RGS6: variants seen among roughly 807,000 people sequenced by gnomAD.
RGS6 encodes regulator of G-protein signaling 6.
In RGS6, 30 loss-of-function variants were observed where a neutral mutation model predicts 78.5. The observed-to-expected ratio is 0.38, with a 90% CI of 0.29 to 0.52. The LOEUF (loss-of-function observed/expected upper bound fraction) is 0.52. Among genes scored for constraint, RGS6 ranks in the 20% least tolerant of loss-of-function variants. The pLI is 0.85. For synonymous variants in RGS6, 206 were observed against 206.0 expected (o/e 1.00, Z 0.00); for missense variants, 495 against 609.7 (o/e 0.81, Z 1.98).
At chr14:72,025,744 A>G (rs1475168105) in intron 2 of RGS6, among the ~76,000 whole-genome samples, 1 of 152,186 alleles carries the variant, frequency 6.6e-6, no homozygotes, top group Admixed American at 6.5e-5. Flanking sequence ...AGTAATCCTC[A>G]GAGGAGCCTT....
chr14:72,347,707 T>A (rs1356841), intron 2 of RGS6, among the ~76,000 whole-genome samples: 32 of 151,750 alleles, frequency 2.1e-4, no homozygotes, highest in African/African-American at 7.8e-4. Flanking sequence ...CCAGGAATAG[T>A]CTCTGCCTGC....
At chr14:72,244,227 C>T (rs2053633209) in intron 2 of RGS6, among the ~76,000 whole-genome samples, 1 of 151,482 alleles carries the variant, frequency 6.6e-6, no homozygotes, top group Admixed American at 6.6e-5. Flanking sequence ...AGTCCCAGCC[C>T]CTGCCCCATG....
intron 2 of RGS6, among the ~76,000 whole-genome samples, chr14:72,147,872 C>T (rs1228984097): frequency 6.6e-6 from 1 of 152,182 alleles, no homozygotes; most frequent in Non-Finnish European, 1.5e-5. Context: ...TGGCTCATGC[C>T]TGTAATCCCA....
chr14:71,982,028 G>A (rs1018953786), intron 2 of RGS6, among the ~76,000 whole-genome samples: 6 of 152,010 alleles, frequency 3.9e-5, no homozygotes, highest in African/African-American at 9.6e-5. Context: ...CGCAGTATTC[G>A]GGTGGGAGTG....
intron 3 of RGS6, among the ~76,000 whole-genome samples, chr14:72,423,710 C>T (rs1198047256): frequency 6.6e-6 from 1 of 152,140 alleles, no homozygotes; most frequent in East Asian, 1.9e-4. Context: ...TGAAAAACAA[C>T]CAGCAGGTCC....
At chr14:71,973,576 T>G (rs2153084753) in intron 2 of RGS6, among the ~76,000 whole-genome samples, 1 of 152,230 alleles carries the variant, frequency 6.6e-6, no homozygotes, top group South Asian at 2.1e-4. Flanking sequence ...TCCCAGCTAC[T>G]TGGGAGGCTG....
intron 2 of RGS6, among the ~76,000 whole-genome samples, chr14:72,295,118 C>T (rs1386130638): frequency 4.6e-5 from 7 of 151,504 alleles, no homozygotes; most frequent in African/African-American, 1.5e-4. Flanking sequence ...GGTGAAACCC[C>T]GTCTCTACTA....
At chr14:72,623,285 CAT>C in the RGS6 span, among the ~76,000 whole-genome samples, 2 of 151,874 alleles carry the variant, frequency 1.3e-5, no homozygotes, top group African/African-American at 4.8e-5. Flanking sequence ...TTTACACAGT[CAT>C]AAAACAAAAT....
the RGS6 span, chr14:72,594,642 G>T: frequency 6.6e-6 from 1 of 152,096 alleles, no homozygotes; most frequent in Non-Finnish European, 1.5e-5. Context: ...TCTTTCACTG[G>T]CTGTGCGAAG....
chr14:72,347,248 G>A (rs2239234), intron 2 of RGS6, among the ~76,000 whole-genome samples: 69,860 of 152,010 alleles, frequency 0.46, 16,318 homozygotes, highest in South Asian at 0.59. Flanking sequence ...TCAGGAAAAC[G>A]TAAGTCTCTA....
chr14:72,569,111 GGTGTGTGTGT>G (rs35508602), downstream of RGS6, among the ~76,000 whole-genome samples: 1 of 137,510 alleles, frequency 7.3e-6, no homozygotes, highest in Admixed American at 7.4e-5. Flanking sequence ...GATTCTCTGG[GGTGTGTGTGT>G]GTGTGTGTGT....
intron 2 of RGS6, among the ~76,000 whole-genome samples, chr14:72,244,924 G>A (rs1397426374): frequency 6.6e-6 from 1 of 151,802 alleles, no homozygotes; most frequent in Admixed American, 6.6e-5. Flanking sequence ...TCCTGGGTTC[G>A]AGTGATTCTC....
At chr14:72,155,365 G>A (rs1598491684) in intron 2 of RGS6, among the ~76,000 whole-genome samples, 1 of 152,190 alleles carries the variant, frequency 6.6e-6, no homozygotes, top group Non-Finnish European at 1.5e-5. Flanking sequence ...CTGAGGGCTT[G>A]TTACCTGGAA....
intron 3 of RGS6, among the ~76,000 whole-genome samples, chr14:72,426,609 C>T (rs1300167816): frequency 6.6e-6 from 1 of 152,208 alleles, no homozygotes; most frequent in Non-Finnish European, 1.5e-5. Flanking sequence ...AGGATTTAAA[C>T]AGTTTTAGTC....
intron 2 of RGS6, among the ~76,000 whole-genome samples, chr14:72,102,504 C>G (rs1016479811): frequency 2.0e-5 from 3 of 152,100 alleles, no homozygotes; most frequent in African/African-American, 4.8e-5. Flanking sequence ...TAGATACTTT[C>G]TTTTAATCAC....
intron 14 of RGS6, 83 bp downstream of exon 14, chr14:72,510,362 A>C: frequency 6.6e-7 from 1 of 1,504,340 alleles, no homozygotes; most frequent in Admixed American, 1.7e-5. Flanking sequence ...TCTCTCTCTC[A>C]ATGAAACGTT....
chr14:72,599,821 G>A, the RGS6 span, among the ~76,000 whole-genome samples: 1 of 152,032 alleles, frequency 6.6e-6, no homozygotes, highest in Non-Finnish European at 1.5e-5. Context: ...TTAGTGGTAA[G>A]CCCTGAGACC....
At chr14:72,521,580 A>G (rs2097042219) in intron 15 of RGS6, among the ~76,000 whole-genome samples, 1 of 152,252 alleles carries the variant, frequency 6.6e-6, no homozygotes, top group African/African-American at 2.4e-5. Flanking sequence ...TGTCTTAAGC[A>G]TCCCCATCTT....
chr14:72,311,922 T>C (rs1000818949), intron 2 of RGS6, among the ~76,000 whole-genome samples: 1 of 152,142 alleles, frequency 6.6e-6, no homozygotes, highest in African/African-American at 2.4e-5. Context: ...AATCAAAAGA[T>C]TGCAAGGGTC....
Sources: allele counts gnomAD v4.1 joint callset (sites outside exome capture counted in the v4.1 genomes callset), GRCh38; gene constraint gnomAD v4.1.1; transcripts MANE v1.5; gene names NCBI Gene and HGNC (gene_info 2026-07-23, HGNC 2026-07-21).